The following MAP3K20 variants were observed in gnomAD, a reference collection of about 807,000 sequenced individuals.
MAP3K20 encodes the protein mitogen-activated protein kinase kinase kinase 20, also known as HCCS-4.
A neutral mutation model predicts 85.7 loss-of-function variants in MAP3K20; 40 were observed. The ratio of observed to expected loss-of-function variants is 0.47; its 90% CI spans 0.36 to 0.61. MAP3K20 has a LOEUF of 0.61. Ranked by LOEUF, MAP3K20 falls within the 20% of genes least tolerant of loss-of-function variation. The pLI, the probability that MAP3K20 is intolerant of heterozygous loss-of-function variation, is 0.00. For synonymous variants in MAP3K20, 325 were observed against 327.7 expected (o/e 0.99, Z 0.09); for missense variants, 817 against 961.7 (o/e 0.85, Z 1.99).
intron 2 of MAP3K20, among the ~76,000 whole-genome samples, chr2:173,110,577 T>A (rs1383953797): frequency 6.6e-6 from 1 of 151,916 alleles, no homozygotes; most frequent in African/African-American, 2.4e-5. Context: ...GCCCCGCCCC[T>A]ACTCTTTCCC....
chr2:173,259,789 G>C (rs944429549), intron 17 of MAP3K20, among the ~76,000 whole-genome samples: 3 of 152,108 alleles, frequency 2.0e-5, no homozygotes, highest in African/African-American at 4.8e-5. Flanking sequence ...TATCTGTAAG[G>C]GTTGTCACTT....
chr2:173,213,946 T>C (rs1282426211), intron 10 of MAP3K20, among the ~76,000 whole-genome samples: 3 of 152,172 alleles, frequency 2.0e-5, no homozygotes, highest in African/African-American at 7.2e-5. Flanking sequence ...CCCCAACTTT[T>C]ATCTAGTGTC....
At chr2:173,181,359 T>C (rs1690319365) in intron 3 of MAP3K20, among the ~76,000 whole-genome samples, 1 of 130,376 alleles carries the variant, frequency 7.7e-6, no homozygotes, top group Admixed American at 8.6e-5. Flanking sequence ...GCAAGACCCC[T>C]TTCTCAGAAA....
At chr2:173,183,093 G>C in intron 4 of MAP3K20, 138 bp downstream of exon 4, 1 of 651,854 alleles carries the variant, frequency 1.5e-6, no homozygotes, top group East Asian at 3.1e-5. Context: ...GAATTCCACA[G>C]CTGATGGTAC....
chr2:173,139,311 A>G (rs745444091), intron 2 of MAP3K20, among the ~76,000 whole-genome samples: 2 of 152,198 alleles, frequency 1.3e-5, no homozygotes, highest in East Asian at 1.9e-4. Flanking sequence ...CATTACTGCC[A>G]CAAATGGGCA....
At chr2:173,179,340 C>G (rs1007189988) in intron 3 of MAP3K20, among the ~76,000 whole-genome samples, 2 of 147,626 alleles carry the variant, frequency 1.4e-5, no homozygotes, top group Admixed American at 1.4e-4. Flanking sequence ...TGCAGTGAGT[C>G]GAGTTTGCAC....
chr2:173,252,979 A>G (rs1368340376), intron 16 of MAP3K20, among the ~76,000 whole-genome samples: 1 of 152,186 alleles, frequency 6.6e-6, no homozygotes, highest in East Asian at 1.9e-4. Flanking sequence ...TCATTTCATG[A>G]AACTGGCCAT....
intron 2 of MAP3K20, among the ~76,000 whole-genome samples, chr2:173,146,804 C>T (rs1043534043): frequency 6.7e-6 from 1 of 150,148 alleles, no homozygotes; most frequent in African/African-American, 2.5e-5. Flanking sequence ...GCAGCTGTTA[C>T]ATTTTACACT....
intron 3 of MAP3K20, among the ~76,000 whole-genome samples, chr2:173,178,936 A>G (rs909201671): frequency 2.6e-5 from 4 of 152,214 alleles, no homozygotes; most frequent in Non-Finnish European, 5.9e-5. Flanking sequence ...AAAGAAGATT[A>G]TAAATTCCAA....
chr2:173,200,601 T>A (rs1264756533), intron 8 of MAP3K20, among the ~76,000 whole-genome samples: 4 of 152,152 alleles, frequency 2.6e-5, no homozygotes, highest in Admixed American at 2.6e-4. Context: ...TTGAAATAAT[T>A]ATAGATTCAC....
intron 2 of MAP3K20, among the ~76,000 whole-genome samples, chr2:173,138,269 A>C (rs1349675461): frequency 1.3e-5 from 2 of 152,138 alleles, no homozygotes; most frequent in African/African-American, 4.8e-5. Flanking sequence ...GTGCCTGGCA[A>C]ATACTTGTGA....
At chr2:173,127,252 C>T (rs1363031268) in intron 2 of MAP3K20, among the ~76,000 whole-genome samples, 2 of 152,192 alleles carry the variant, frequency 1.3e-5, no homozygotes, top group Non-Finnish European at 2.9e-5. Context: ...ACTCCATTTC[C>T]TCTTCATTTA....
intron 7 of MAP3K20, 180 bp from the exon 8 acceptor site, chr2:173,197,846 C>T (rs1238645272): frequency 3.8e-5 from 12 of 317,926 alleles, no homozygotes; most frequent in African/African-American, 1.5e-4. Flanking sequence ...TAAAAAAGAA[C>T]GTAAAAAGTA....
chr2:173,111,972 G>A (rs988868668), intron 2 of MAP3K20, among the ~76,000 whole-genome samples: 2 of 152,034 alleles, frequency 1.3e-5, no homozygotes, highest in African/African-American at 4.8e-5. Context: ...ATTTTGATGG[G>A]GATTGCATTG....
intron 1 of MAP3K20, among the ~76,000 whole-genome samples, chr2:173,081,279 A>G (rs1183262151): frequency 3.3e-5 from 5 of 151,406 alleles, no homozygotes; most frequent in African/African-American, 1.2e-4. Flanking sequence ...CTCCCACCTG[A>G]ACTTTCCCTG....
intron 2 of MAP3K20, among the ~76,000 whole-genome samples, chr2:173,112,102 G>C (rs1001764720): frequency 6.6e-6 from 1 of 152,128 alleles, no homozygotes; most frequent in Non-Finnish European, 1.5e-5. Flanking sequence ...GCAGTGATTT[G>C]TAGTTTTCCT....
intron 2 of MAP3K20, chr2:173,160,214 T>C (rs1689614537): frequency 6.6e-6 from 1 of 152,156 alleles, no homozygotes; most frequent in South Asian, 2.1e-4. Flanking sequence ...ACCTATGGAA[T>C]TGTGAAGTTT....
rs1228045128 is a variant in MAP3K20, at chr2:173,198,022, C to A, written c.583-4C>A. ...ATAAAAATTCCATTTTCTTTTTGTTCCAGGTTCTCTGGGAGATGCTAACAA... is the reference window on the plus strand; with the variant it reads ...ATAAAAATTCCATTTTCTTTTTGTTACAGGTTCTCTGGGAGATGCTAACAA... On this transcript the variant is annotated splice_region_variant and splice_polypyrimidine_tract_variant and intron_variant, in intron 7 of 19. Coordinates refer to ENST00000375213, the MANE Select transcript of MAP3K20 (RefSeq NM_016653.3). The surrounding 1 kb of genome is among the most constrained non-coding windows in gnomAD (Gnocchi z 5.8). The A allele has an allele frequency of 6.2e-7, 1 of 1,607,272 alleles. No individual in the cohort carries two copies. The highest frequency in any genetic ancestry group is 1.3e-5 in the African/African-American group (1 of 74,482).
intron 2 of MAP3K20, among the ~76,000 whole-genome samples, chr2:173,164,524 C>A (rs1689758127): frequency 6.6e-6 from 1 of 152,144 alleles, no homozygotes; most frequent in Admixed American, 6.5e-5. Flanking sequence ...TTGACAGTTT[C>A]TTTTGCTGTG....
Sources: allele counts gnomAD v4.1 joint callset (sites outside exome capture counted in the v4.1 genomes callset), GRCh38; gene constraint gnomAD v4.1.1; non-coding constraint Gnocchi (gnomAD v3.1); transcripts MANE v1.5; gene names NCBI Gene and HGNC (gene_info 2026-07-23, HGNC 2026-07-21).